PTPRZ1: variants seen among roughly 807,000 people sequenced by gnomAD.
The protein encoded by PTPRZ1 is protein tyrosine phosphatase receptor type Z1, also known as receptor-type tyrosine-protein phosphatase zeta.
Under a neutral mutation model 214.1 loss-of-function variants are expected in PTPRZ1, and 82 were observed. The observed-to-expected ratio is 0.38, with a 90% CI of 0.32 to 0.46. The LOEUF is 0.46. PTPRZ1 is among the 20% of genes least tolerant of loss of function. PTPRZ1 has a pLI of 1.00. For synonymous variants in PTPRZ1, 945 were observed against 987.9 expected (o/e 0.96, Z 0.81); for missense variants, 2,603 against 2,748.7 (o/e 0.95, Z 1.19).
At chr7:121,945,332 G>C (rs1796340391) in intron 2 of PTPRZ1, among the ~76,000 whole-genome samples, 1 of 152,128 alleles carries the variant, frequency 6.6e-6, no homozygotes, top group Non-Finnish European at 1.5e-5. Flanking sequence ...ATTGAGTACA[G>C]TCATTTTAGA....
chr7:122,039,931 A>G (rs1318389018), intron 20 of PTPRZ1, among the ~76,000 whole-genome samples: 1 of 151,912 alleles, frequency 6.6e-6, no homozygotes, highest in Non-Finnish European at 1.5e-5. Flanking sequence ...GCAGTGAGCT[A>G]AGATCATGCC....
chr7:122,020,977 G>A (rs767761354), intron 13 of PTPRZ1, among the ~76,000 whole-genome samples: 40 of 152,206 alleles, frequency 2.6e-4, no homozygotes, highest in Non-Finnish European at 5.4e-4. Flanking sequence ...ACATTGATAT[G>A]TGTATTCAGA....
At chr7:121,883,979 TAA>T (rs1380494218) in intron 1 of PTPRZ1, among the ~76,000 whole-genome samples, 1 of 152,180 alleles carries the variant, frequency 6.6e-6, no homozygotes, top group Non-Finnish European at 1.5e-5. Context: ...CTATGTCTCT[TAA>T]GATACATTAA....
At chr7:121,929,834 AT>A (rs1795872486) in intron 2 of PTPRZ1, among the ~76,000 whole-genome samples, 1 of 147,594 alleles carries the variant, frequency 6.8e-6, no homozygotes, top group South Asian at 2.1e-4. Flanking sequence ...TAAAAAATAA[AT>A]AAATAAATAA....
chr7:122,028,284 A>G (rs1228066503), intron 13 of PTPRZ1: 1 of 301,816 alleles, frequency 3.3e-6, no homozygotes, highest in East Asian at 7.3e-5. Context: ...CTTTGAACCC[A>G]GCTACAACTT....
chr7:121,935,040 C>T (rs970752986), intron 2 of PTPRZ1, among the ~76,000 whole-genome samples: 2 of 152,030 alleles, frequency 1.3e-5, no homozygotes, highest in African/African-American at 2.4e-5. Flanking sequence ...GTCATTCCAC[C>T]GTGTATCCAT....
intron 13 of PTPRZ1, among the ~76,000 whole-genome samples, chr7:122,021,969 G>A (rs1799030096): frequency 6.6e-6 from 1 of 152,110 alleles, no homozygotes; most frequent in Admixed American, 6.5e-5. Context: ...ATTCTTCAAG[G>A]TTTATGTGAA....
intron 14 of PTPRZ1, among the ~76,000 whole-genome samples, chr7:122,029,963 A>G (rs1053724823): frequency 6.6e-6 from 1 of 151,926 alleles, no homozygotes; most frequent in Non-Finnish European, 1.5e-5. Flanking sequence ...TTAGACCAAC[A>G]GCTCTCAGTT....
At chr7:121,906,947 T>C (rs1795133444) in intron 1 of PTPRZ1, among the ~76,000 whole-genome samples, 1 of 146,110 alleles carries the variant, frequency 6.8e-6, no homozygotes, top group Non-Finnish European at 1.5e-5. Flanking sequence ...AATGGTATAC[T>C]TATATATTAT....
At position 122,011,805 on chromosome 7, in the gene PTPRZ1, G is replaced by C. The variant is rs758756660; in HGVS notation, c.2759G>C (p.Arg920Pro). ...AGCAGTGATGCCATGATGCATGCAC[G>C]TTCTTCAGGGCCTGAACCTTCTTAT... Reference protein sequence around the residue: ...PPSSDAMMHARSSGPEPSYAL... With the variant: ...PPSSDAMMHAPSSGPEPSYAL... The change falls in exon 12 of 30, where the codon CGT (arginine) becomes CCT (proline). Residue 920 changes from arginine to proline, a missense_variant. This residue lies in a region of PTPRZ1 where 1,913 missense variants were observed against 1,914.3 expected (regional missense o/e 1.00). Transcript: ENST00000393386. The C allele has an allele frequency of 1.2e-6, 2 of 1,614,044 alleles. No individual in the cohort carries two copies. Among genetic ancestry groups the C allele is most frequent in the African/African-American group, 1.3e-5 (1 of 75,052 alleles).
At chr7:122,002,915 A>C (rs1202333801) in intron 10 of PTPRZ1, among the ~76,000 whole-genome samples, 1 of 152,202 alleles carries the variant, frequency 6.6e-6, no homozygotes, top group Non-Finnish European at 1.5e-5. Flanking sequence ...ACTTCAAATT[A>C]TTTTCAATAA....
chr7:121,880,501 A>G (rs1794206307), intron 1 of PTPRZ1, among the ~76,000 whole-genome samples: 1 of 152,088 alleles, frequency 6.6e-6, no homozygotes, highest in Admixed American at 6.6e-5. Flanking sequence ...TGAACTGCCT[A>G]TTTCTTGAAT....
intron 6 of PTPRZ1, among the ~76,000 whole-genome samples, chr7:121,977,978 C>A (rs960185407): frequency 2.0e-5 from 3 of 152,128 alleles, no homozygotes; most frequent in Non-Finnish European, 2.9e-5. Context: ...GGTTGTTAAC[C>A]CTGACTTGTG....
intron 2 of PTPRZ1, among the ~76,000 whole-genome samples, chr7:121,930,581 C>T (rs1213572474): frequency 1.3e-5 from 2 of 152,066 alleles, no homozygotes; most frequent in Non-Finnish European, 2.9e-5. Context: ...CACATTTTCA[C>T]TAACACTGAC....
chr7:122,016,764 T>TTA (rs760605312), intron 12 of PTPRZ1, among the ~76,000 whole-genome samples: 269 of 150,774 alleles, frequency 1.8e-3, no homozygotes, highest in Non-Finnish European at 2.7e-3. Flanking sequence ...AAATATGTAA[T>TTA]TATATATATA....
chr7:121,900,066 A>C (rs987029258), intron 1 of PTPRZ1, among the ~76,000 whole-genome samples: 1 of 152,290 alleles, frequency 6.6e-6, no homozygotes, highest in South Asian at 2.1e-4. Context: ...GAGACAGAAC[A>C]GGGCACGAGA....
chr7:121,940,465 G>C (rs60700889), intron 2 of PTPRZ1, among the ~76,000 whole-genome samples: 2 of 151,996 alleles, frequency 1.3e-5, no homozygotes, highest in Non-Finnish European at 2.9e-5. Flanking sequence ...TCTTTTGTTA[G>C]TTTGTCTGAT....
intron 22 of PTPRZ1, 73 bp downstream of exon 22, chr7:122,042,816 T>G: frequency 6.8e-7 from 1 of 1,468,930 alleles, no homozygotes; most frequent in Non-Finnish European, 9.4e-7. Context: ...TGTATTCATC[T>G]CCTAGGACTG....
chr7:121,928,056 A>C, intron 1 of PTPRZ1, 100 bp from the exon 2 acceptor site: 1 of 804,960 alleles, frequency 1.2e-6, no homozygotes, highest in Middle Eastern at 3.0e-4. Context: ...CATGGAAAGG[A>C]GTAATCAAGA....
Sources: gnomAD v4.1 joint callset for allele counts (sites outside exome capture counted in the v4.1 genomes callset) on GRCh38, gnomAD v4.1.1 for gene constraint, gnomAD v4.1.1 regional missense constraint, MANE v1.5 for transcripts, NCBI Gene and HGNC (gene_info 2026-07-23, HGNC 2026-07-21) for gene names.